The following SDK1 variants were observed in gnomAD, a reference collection of about 807,000 sequenced individuals.
SDK1 encodes protein sidekick-1.
In SDK1, 157 loss-of-function variants were observed where a neutral mutation model predicts 245.5. That is an observed-to-expected ratio of 0.64 (90% CI 0.56 to 0.73). The LOEUF (loss-of-function observed/expected upper bound fraction) is 0.73, where lower values mean the gene tolerates loss of function less well. SDK1 is among the 30% of genes least tolerant of loss of function. The probability of loss-of-function intolerance (pLI) is 0.00; values close to 1 mark genes in which losing one functional copy is unlikely to be tolerated. For synonymous variants in SDK1, 1,647 were observed against 1,278.5 expected (o/e 1.29, Z -6.15); for missense variants, 3,583 against 3,002.3 (o/e 1.19, Z -4.52).
intron 4 of SDK1, among the ~76,000 whole-genome samples, chr7:3,679,076 A>T (rs1784013145): frequency 6.6e-6 from 1 of 152,218 alleles, no homozygotes; most frequent in African/African-American, 2.4e-5. Flanking sequence ...CAAAAACATG[A>T]TCAATACATG....
intron 35 of SDK1, among the ~76,000 whole-genome samples, chr7:4,187,649 A>G (rs1304723247): frequency 1.3e-5 from 2 of 152,242 alleles, no homozygotes; most frequent in Non-Finnish European, 2.9e-5. Flanking sequence ...GTTACAAGGT[A>G]AACTGAGACA....
intron 20 of SDK1, among the ~76,000 whole-genome samples, chr7:4,070,643 C>T (rs1280837965): frequency 6.6e-6 from 1 of 152,184 alleles, no homozygotes; most frequent in African/African-American, 2.4e-5. Context: ...CCAACCAGAT[C>T]CCCTGATAGA....
chr7:3,702,613 C>T (rs1253978911), intron 4 of SDK1, among the ~76,000 whole-genome samples: 6 of 152,224 alleles, frequency 3.9e-5, no homozygotes, highest in African/African-American at 1.4e-4. Flanking sequence ...AGAGGCTGTT[C>T]TTTCTAAGTT....
intron 1 of SDK1, among the ~76,000 whole-genome samples, chr7:3,448,191 T>A (rs1212129354): frequency 1.3e-5 from 2 of 152,222 alleles, no homozygotes; most frequent in Non-Finnish European, 2.9e-5. Context: ...CTAGGTGTTA[T>A]CACTCTTTAA....
intron 44 of SDK1, among the ~76,000 whole-genome samples, chr7:4,259,663 C>A (rs1787855980): frequency 6.6e-6 from 1 of 152,210 alleles, no homozygotes. Context: ...CCTACATCAG[C>A]TCACCTAGGG....
intron 1 of SDK1, among the ~76,000 whole-genome samples, chr7:3,481,821 G>C (rs560568219): frequency 1.3e-5 from 2 of 152,166 alleles, no homozygotes; most frequent in South Asian, 4.1e-4. Flanking sequence ...CCTACCTTTT[G>C]TGAAATTCCC....
intron 20 of SDK1, among the ~76,000 whole-genome samples, chr7:4,074,916 A>ATATATATTTTTTTT (rs1434239449): frequency 1.5e-5 from 1 of 64,602 alleles, no homozygotes. Flanking sequence ...ATATATATAT[A>ATATATATTTTTTTT]TTTTTTTTTT....
rs199690713 is a variant in SDK1 at position 4,231,708 on chromosome 7, G to A, written c.5828-1547G>A. ...TTTGTACCTTTAAAATCTCATTCACGTCTATTCCTCATTAACCTGTGACTG... is the reference window on the plus strand; with the variant it reads ...TTTGTACCTTTAAAATCTCATTCACATCTATTCCTCATTAACCTGTGACTG... On this transcript the variant is annotated intron_variant, in intron 40 of 44. Coordinates refer to ENST00000404826, the MANE Select transcript of SDK1 (RefSeq NM_152744.4). Among the ~76,000 whole-genome samples the A allele has an allele frequency of 3.5e-4, 53 of 152,274 alleles. No homozygotes were observed. The South Asian group carries it at 3.9e-3, about 11-fold the overall frequency.
chr7:4,161,418 A>G (rs1358236826), intron 31 of SDK1, among the ~76,000 whole-genome samples: 1 of 152,186 alleles, frequency 6.6e-6, no homozygotes, highest in Admixed American at 6.5e-5. Flanking sequence ...GGTATCTTAA[A>G]AAAAAGAGAA....
At chr7:3,872,330 T>C (rs1366347080) in intron 5 of SDK1, among the ~76,000 whole-genome samples, 1 of 152,176 alleles carries the variant, frequency 6.6e-6, no homozygotes, top group African/African-American at 2.4e-5. Flanking sequence ...AAGTATTCCC[T>C]TCTCTTTTAT....
At chr7:3,839,078 A>G (rs1420386533) in intron 5 of SDK1, among the ~76,000 whole-genome samples, 1 of 152,138 alleles carries the variant, frequency 6.6e-6, no homozygotes, top group Non-Finnish European at 1.5e-5. Flanking sequence ...TTCTCAGGGA[A>G]TCCACATCCT....
At chr7:3,348,806 G>A (rs1414966263) in intron 1 of SDK1, among the ~76,000 whole-genome samples, 1 of 152,204 alleles carries the variant, frequency 6.6e-6, no homozygotes, top group East Asian at 1.9e-4. Context: ...CAAGTACTAT[G>A]CCTGGAACAT....
chr7:3,959,082 G>A, intron 8 of SDK1, 68 bp downstream of exon 8: 1 of 1,183,072 alleles, frequency 8.5e-7, no homozygotes, highest in Admixed American at 1.7e-5. Context: ...TTTTTCCATA[G>A]CAGAATTGCC....
intron 8 of SDK1, among the ~76,000 whole-genome samples, chr7:3,960,592 G>A (rs989899185): frequency 1.3e-5 from 2 of 152,038 alleles, no homozygotes; most frequent in East Asian, 1.9e-4. Context: ...ACCCCCTCCC[G>A]ACCCACCGTG....
intron 4 of SDK1, among the ~76,000 whole-genome samples, chr7:3,721,008 G>T (rs925911986): frequency 1.3e-5 from 2 of 152,168 alleles, no homozygotes; most frequent in Non-Finnish European, 2.9e-5. Context: ...GTCACAGACC[G>T]CATGAGTCCA....
chr7:3,990,454 A>G (rs764357989), intron 14 of SDK1, among the ~76,000 whole-genome samples: 2 of 152,240 alleles, frequency 1.3e-5, no homozygotes, highest in Non-Finnish European at 2.9e-5. Context: ...GGGGAAGGCC[A>G]GGGTGTTACT....
chr7:3,638,964 C>G, intron 2 of SDK1, 40 bp from the exon 3 acceptor site: 5 of 1,256,376 alleles, frequency 4.0e-6, no homozygotes, highest in Non-Finnish European at 5.7e-6. Flanking sequence ...CCATGAAACA[C>G]TGGATATAAG....
At chr7:3,646,493 G>GT (rs1782840855) in intron 4 of SDK1, among the ~76,000 whole-genome samples, 1 of 152,074 alleles carries the variant, frequency 6.6e-6, no homozygotes, top group African/African-American at 2.4e-5. Flanking sequence ...TTAGCTCTAT[G>GT]TATAGTTATC....
At chr7:3,462,440 A>C (rs1389259425) in intron 1 of SDK1, among the ~76,000 whole-genome samples, 1 of 152,148 alleles carries the variant, frequency 6.6e-6, no homozygotes, top group Non-Finnish European at 1.5e-5. Context: ...CTCAACCTAC[A>C]ATCTTTTCCT....
Sources: allele counts gnomAD v4.1 joint callset (sites outside exome capture counted in the v4.1 genomes callset), GRCh38; gene constraint gnomAD v4.1.1; transcripts MANE v1.5; gene names NCBI Gene and HGNC (gene_info 2026-07-23, HGNC 2026-07-21).